Variants in TCF3 observed in about 807,000 individuals in gnomAD.
The protein encoded by TCF3 is transcription factor 3.
A neutral mutation model predicts 72.3 loss-of-function variants in TCF3; 54 were observed. The ratio of observed to expected loss-of-function variants is 0.75; its 90% CI spans 0.60 to 0.94. The LOEUF is 0.94. TCF3 is among the 40% of genes least tolerant of loss of function. TCF3 has a pLI of 0.00. For missense variants in TCF3, 1,078 were observed against 934.4 expected, an observed-to-expected ratio of 1.15 and a Z score of -2.00; for synonymous variants, 525 against 412.6, an observed-to-expected ratio of 1.27 and a Z score of -3.30.
At chr19:1,624,610 C>CA (rs536477798) in intron 7 of TCF3, among the ~76,000 whole-genome samples, 125 of 152,306 alleles carry the variant, frequency 8.2e-4, no homozygotes, top group Middle Eastern at 6.8e-3. Flanking sequence ...CAGGCTTCAC[C>CA]ACTAGGGGCT....
At chr19:1,625,366 C>G (rs1228950641) in intron 7 of TCF3, among the ~76,000 whole-genome samples, 1 of 152,254 alleles carries the variant, frequency 6.6e-6, no homozygotes, top group East Asian at 1.9e-4. Flanking sequence ...TCGTAGGAAC[C>G]TCTCCCTGGA....
intron 5 of TCF3, among the ~76,000 whole-genome samples, chr19:1,627,753 AAAGGGGACAGCAGAGCTCACGGGG>A (rs1568408473): frequency 2.1e-5 from 3 of 143,202 alleles, no homozygotes; most frequent in African/African-American, 7.9e-5. Context: ...GGTGGGGCGG[AAAGGGGACAGCAGAGCTCACGGGG>A]TGAGGTGGGA....
chr19:1,619,984 G>A, intron 13 of TCF3, 131 bp from the exon 14 acceptor site: 1 of 796,342 alleles, frequency 1.3e-6, no homozygotes, highest in Non-Finnish European at 2.1e-6. Flanking sequence ...GCCATTCCGG[G>A]GCACCCCACA....
At chr19:1,613,979 T>C (rs1173538255) in intron 18 of TCF3, among the ~76,000 whole-genome samples, 1 of 152,258 alleles carries the variant, frequency 6.6e-6, no homozygotes, top group Non-Finnish European at 1.5e-5. Context: ...CTGTTGCTGC[T>C]GCCGCAGGGG....
At chr19:1,641,031 T>A (rs1402434924) in intron 3 of TCF3, among the ~76,000 whole-genome samples, 11 of 150,856 alleles carry the variant, frequency 7.3e-5, no homozygotes, top group Admixed American at 7.3e-4. Flanking sequence ...GCACCTATAT[T>A]CCCAGCTACT....
intron 3 of TCF3, among the ~76,000 whole-genome samples, chr19:1,637,533 C>T (rs1014830262): frequency 1.3e-5 from 2 of 152,196 alleles, no homozygotes; most frequent in Non-Finnish European, 2.9e-5. Context: ...GACCCCATCC[C>T]GCTCTTGCTT....
At chr19:1,620,382 C>T (rs1441832240) in intron 13 of TCF3, among the ~76,000 whole-genome samples, 1 of 152,178 alleles carries the variant, frequency 6.6e-6, no homozygotes, top group African/African-American at 2.4e-5. Context: ...GATAAGCAAG[C>T]ACGTCCTCAC....
intron 2 of TCF3, among the ~76,000 whole-genome samples, chr19:1,648,173 T>C (rs1156716874): frequency 6.6e-6 from 1 of 152,206 alleles, no homozygotes; most frequent in Non-Finnish European, 1.5e-5. Context: ...TGGAGTTCCC[T>C]GTTCTCTCAC....
Position 1,619,761 on chromosome 19 carries a change from G to GGGTGA in TCF3, c.1167+18_1167+19insTCACC, listed in dbSNP as rs2061959055. On this transcript the variant is annotated intron_variant, in intron 14 of 18. Transcript: ENST00000262965. ...AATTCTGTCGGGGAAGGGTGGGGTG[G>GGGTGA]GGCGGGGCAGGCACTCACCAGGCCG... 1 of 1,540,872 alleles carries GGGTGA rather than the reference G, an allele frequency of 6.5e-7. No individual in the cohort carries two copies. Among genetic ancestry groups the GGGTGA allele is most frequent in the Non-Finnish European group, 8.8e-7 (1 of 1,139,572 alleles).
rs920855648 is a variant in TCF3 at position 1,610,252 on chromosome 19, G to A, written c.*1455C>T. 1.3e-5 allele frequency: 3 copies of A among 232,262 alleles called. No homozygotes were observed. Among genetic ancestry groups the A allele is most frequent in the African/African-American group, 4.4e-5 (2 of 45,348 alleles). The allele number at this position is 232,262 out of a possible 1,614,324, so 14.4% of individuals were successfully genotyped here. On this transcript the variant is annotated 3_prime_UTR_variant, in exon 19 of 19. Transcript: ENST00000262965. The stretch of plus-strand genomic sequence containing the variant: ...CAGCCCAAGGCCTTCGTGGGGCTCA[G>A]ACCAGCACAGTCCCCCGGCTCCAGC...
chr19:1,645,678 C>A (rs964136389), intron 3 of TCF3, among the ~76,000 whole-genome samples: 27 of 152,302 alleles, frequency 1.8e-4, no homozygotes, highest in African/African-American at 6.3e-4. Context: ...AAGCCCTGCC[C>A]ATGCTCCAGA....
Position 1,625,655 on chromosome 19 carries a change from A to AG in TCF3, c.419dup (p.Ser141PhefsTer51). 6.5e-7 allele frequency: 1 copy of AG among 1,535,152 alleles called. No homozygotes were observed. Among genetic ancestry groups the AG allele is most frequent in the Non-Finnish European group, 8.7e-7 (1 of 1,147,716 alleles). Reference sequence around the variant, plus strand: ...ACTGGGAGGTCCCCTTCATGCCCGAAGGGGACAGGGGCCCGGGGCTGTTGA... The same window carrying AG: ...ACTGGGAGGTCCCCTTCATGCCCGAAGGGGGACAGGGGCCCGGGGCTGTTGA... On this transcript the variant is annotated frameshift_variant, in exon 7 of 19. Transcript: ENST00000262965. LOFTEE classifies it high-confidence loss of function.
intron 3 of TCF3, among the ~76,000 whole-genome samples, chr19:1,644,244 G>C (rs538977463): frequency 4.5e-4 from 68 of 152,332 alleles, no homozygotes; most frequent in African/African-American, 1.6e-3. Context: ...CGGGAGCTTC[G>C]GGAGGGCCAC....
At position 1,632,798 on chromosome 19, in the gene TCF3, G is replaced by A. The variant is rs965208832; in HGVS notation, c.146-393C>T. ...GTGGACTGGGGTCTCTGTGTCAGAT[G>A]CAGACTCTTCTGACCCTGTGAGAAA... is the stretch of plus-strand genomic sequence containing the variant. On this transcript the variant is annotated intron_variant, in intron 3 of 18. Coordinates refer to ENST00000262965, the MANE Select transcript of TCF3 (RefSeq NM_003200.5). 7.2e-5 allele frequency among the ~76,000 whole-genome samples: 11 copies of A among 152,268 alleles called. 1 individual carries two copies. In the East Asian group the frequency reaches 1.5e-3, roughly 21 times the overall value.
intron 1 of TCF3, chr19:1,650,769 C>T: frequency 4.3e-6 from 1 of 231,960 alleles, no homozygotes; most frequent in South Asian, 1.8e-4. Context: ...ATGGCACAGC[C>T]CGTTGAAGAC....
At chr19:1,624,322 G>A (rs951216715) in intron 7 of TCF3, among the ~76,000 whole-genome samples, 6 of 152,238 alleles carry the variant, frequency 3.9e-5, no homozygotes, top group Admixed American at 3.9e-4. Flanking sequence ...CTTGAACCCG[G>A]GAGGCAGAGG....
At chr19:1,620,341 C>A (rs568508006) in intron 13 of TCF3, among the ~76,000 whole-genome samples, 1 of 152,146 alleles carries the variant, frequency 6.6e-6, no homozygotes, top group Admixed American at 6.5e-5. Context: ...CTCACTCCCC[C>A]TCCTCCTGTA....
At chr19:1,650,492 A>T in intron 1 of TCF3, 1 of 496,146 alleles carries the variant, frequency 2.0e-6, no homozygotes, top group Non-Finnish European at 3.6e-6. Context: ...GTCCCTGCAG[A>T]GTCCTCCCCA....
chr19:1,642,262 A>ACACGCACACACG (rs1568484260), intron 3 of TCF3, among the ~76,000 whole-genome samples: 1 of 151,862 alleles, frequency 6.6e-6, no homozygotes, highest in Non-Finnish European at 1.5e-5. Flanking sequence ...ACGTGCGCAC[A>ACACGCACACACG]CACGCACGCA....
Sources: gnomAD v4.1 joint callset for allele counts (sites outside exome capture counted in the v4.1 genomes callset) on GRCh38, gnomAD v4.1.1 for gene constraint, MANE v1.5 for transcripts, NCBI Gene and HGNC (gene_info 2026-07-23, HGNC 2026-07-21) for gene names.